TDRD3: variants seen among roughly 807,000 people sequenced by gnomAD.
The protein encoded by TDRD3 is tudor domain containing 3, also known as tudor domain-containing protein 3.
Under a neutral mutation model 86.7 loss-of-function variants are expected in TDRD3, and 45 were observed. The ratio of observed to expected loss-of-function variants is 0.52; its 90% CI spans 0.41 to 0.67. TDRD3 has a LOEUF of 0.67. Among genes scored for constraint, TDRD3 ranks in the 30% least tolerant of loss-of-function variants. The pLI is 0.00. For missense variants in TDRD3, 814 were observed against 889.0 expected, an observed-to-expected ratio of 0.92 and a Z score of 1.07; for synonymous variants, 298 against 301.7, an observed-to-expected ratio of 0.99 and a Z score of 0.13.
At chr13:60,396,251 C>T (rs535939853), upstream of TDRD3, among the ~76,000 whole-genome samples, 1 of 152,316 alleles carries the variant, frequency 6.6e-6, no homozygotes, top group East Asian at 1.9e-4. Flanking sequence ...GGACGCTGCC[C>T]CTTAGAAGCC....
At chr13:60,549,071 A>G (rs954887811) in intron 12 of TDRD3, among the ~76,000 whole-genome samples, 5 of 152,138 alleles carry the variant, frequency 3.3e-5, no homozygotes, top group Admixed American at 2.6e-4. Flanking sequence ...CAAAGGCTGT[A>G]TGAGGAATGT....
chr13:60,437,117 TA>T (rs1408907307), intron 1 of TDRD3, among the ~76,000 whole-genome samples: 33 of 133,928 alleles, frequency 2.5e-4, no homozygotes, highest in African/African-American at 9.2e-4. Context: ...TTTGATAAAT[TA>T]AACTTTTTTT....
intron 8 of TDRD3, among the ~76,000 whole-genome samples, chr13:60,495,004 T>G (rs1050055838): frequency 2.0e-5 from 3 of 152,230 alleles, no homozygotes; most frequent in Admixed American, 6.5e-5. Context: ...ATTCTTGAAT[T>G]TTTAAGATAA....
At chr13:60,491,576 A>T (rs1034963143) in intron 7 of TDRD3, among the ~76,000 whole-genome samples, 5 of 152,242 alleles carry the variant, frequency 3.3e-5, no homozygotes, top group Admixed American at 2.0e-4. Context: ...AGGAAGTGTT[A>T]AACTTATCAA....
chr13:60,530,766 T>C (rs1484921624), intron 11 of TDRD3, among the ~76,000 whole-genome samples: 2 of 151,916 alleles, frequency 1.3e-5, no homozygotes, highest in Non-Finnish European at 2.9e-5. Context: ...AAAATAAATA[T>C]TTTATAGGTT....
At chr13:60,456,633 C>T (rs1038908227) in intron 3 of TDRD3, among the ~76,000 whole-genome samples, 2 of 151,952 alleles carry the variant, frequency 1.3e-5, no homozygotes, top group African/African-American at 4.8e-5. Context: ...TGGAGTTGCT[C>T]TTAACAGTAG....
intron 8 of TDRD3, among the ~76,000 whole-genome samples, chr13:60,503,220 T>C (rs1307508102): frequency 6.6e-6 from 1 of 152,218 alleles, no homozygotes; most frequent in Non-Finnish European, 1.5e-5. Flanking sequence ...CCTTTTTCTC[T>C]ATTCCAGTGT....
chr13:60,467,385 T>A lies in TDRD3; in HGVS notation c.495+6T>A. On this transcript the variant is annotated splice_donor_region_variant and intron_variant, in intron 5 of 13. Transcript: ENST00000377881. ...AGAAATGGGAGTTACAGAGAGTAAG[T>A]GTAAACTATGGCTTGAACTTTTGAA... The A allele has an allele frequency of 6.2e-7, 1 of 1,612,188 alleles. No individual in the cohort carries two copies. The highest frequency in any genetic ancestry group is 8.5e-7 in the Non-Finnish European group (1 of 1,179,420).
At chr13:60,398,352 A>G (rs1186076146) in intron 1 of TDRD3, among the ~76,000 whole-genome samples, 1 of 152,182 alleles carries the variant, frequency 6.6e-6, no homozygotes, top group African/African-American at 2.4e-5. Flanking sequence ...AGAGGAACAG[A>G]TGAGTGCACT....
chr13:60,448,999 G>A (rs961408661), intron 3 of TDRD3, among the ~76,000 whole-genome samples: 6 of 152,060 alleles, frequency 3.9e-5, no homozygotes, highest in African/African-American at 1.4e-4. Context: ...ATGACAGGTT[G>A]TATATACCTT....
In TDRD3 at chr13:60,494,427, A is replaced by G. The variant is rs751242269; in HGVS notation, c.718-8A>G. 6.2e-7 allele frequency: 1 copy of G among 1,609,960 alleles called. No homozygotes were observed. The highest frequency in any genetic ancestry group is 8.5e-7 in the Non-Finnish European group (1 of 1,177,808). The stretch of plus-strand genomic sequence containing the variant: ...CATACCTCTCTTTTATCTTTCTCTT[A>G]TGTAAAGACCAAGACATTTGGAGGA... On this transcript the variant is annotated splice_region_variant and splice_polypyrimidine_tract_variant and intron_variant, in intron 7 of 13. Transcript: ENST00000377881.
At chr13:60,495,771 TAA>T (rs971347768) in intron 8 of TDRD3, among the ~76,000 whole-genome samples, 1 of 152,108 alleles carries the variant, frequency 6.6e-6, no homozygotes, top group Non-Finnish European at 1.5e-5. Context: ...CCCGGTGGGA[TAA>T]AAGTTTTTAA....
At chr13:60,497,730 G>A (rs1041070155) in intron 8 of TDRD3, among the ~76,000 whole-genome samples, 1 of 152,122 alleles carries the variant, frequency 6.6e-6, no homozygotes, top group African/African-American at 2.4e-5. Context: ...ATGTGTGGGT[G>A]GGCCCTGATG....
At chr13:60,501,186 C>G (rs933285848) in intron 8 of TDRD3, among the ~76,000 whole-genome samples, 1 of 152,198 alleles carries the variant, frequency 6.6e-6, no homozygotes, top group African/African-American at 2.4e-5. Context: ...GTATCATTCC[C>G]CCCGCTGGAG....
intron 12 of TDRD3, among the ~76,000 whole-genome samples, chr13:60,541,481 A>T (rs958656036): frequency 1.3e-5 from 2 of 150,480 alleles, no homozygotes; most frequent in Admixed American, 6.6e-5. Context: ...GCATTCTTTT[A>T]TTTTTTTTTG....
intron 3 of TDRD3, among the ~76,000 whole-genome samples, chr13:60,444,968 C>T (rs2137982844): frequency 6.6e-6 from 1 of 151,194 alleles, no homozygotes; most frequent in African/African-American, 2.4e-5. Flanking sequence ...CCTTTTGTTT[C>T]AGAATTTGTA....
At chr13:60,404,201 T>C (rs1489813910) in intron 1 of TDRD3, among the ~76,000 whole-genome samples, 2 of 151,828 alleles carry the variant, frequency 1.3e-5, no homozygotes, top group East Asian at 3.8e-4. Context: ...GTATATGTTT[T>C]CTTTAAATAT....
chr13:60,420,574 A>G (rs1043888311), intron 1 of TDRD3, among the ~76,000 whole-genome samples: 55 of 152,274 alleles, frequency 3.6e-4, no homozygotes, highest in African/African-American at 4.6e-4. Flanking sequence ...ATTTTTATAC[A>G]GATATTCAGG....
intron 10 of TDRD3, among the ~76,000 whole-genome samples, chr13:60,518,888 A>T (rs1957227077): frequency 6.6e-6 from 1 of 152,144 alleles, no homozygotes; most frequent in Non-Finnish European, 1.5e-5. Context: ...TTAGAATATT[A>T]TTAGGGGCGT....
Sources: gnomAD v4.1 joint callset for allele counts (sites outside exome capture counted in the v4.1 genomes callset) on GRCh38, gnomAD v4.1.1 for gene constraint, MANE v1.5 for transcripts, NCBI Gene and HGNC (gene_info 2026-07-23, HGNC 2026-07-21) for gene names.